MSH3: variants seen among roughly 807,000 people sequenced by gnomAD.
The protein encoded by MSH3 is DNA mismatch repair protein Msh3.
In MSH3, 106 loss-of-function variants were observed where a neutral mutation model predicts 123.3. That is an observed-to-expected ratio of 0.86 (90% CI 0.73 to 1.01). MSH3 has a LOEUF of 1.01. MSH3 is among the 50% of genes least tolerant of loss of function. The pLI, the probability that MSH3 is intolerant of heterozygous loss-of-function variation, is 0.00. For synonymous variants in MSH3, 515 were observed against 481.4 expected (o/e 1.07, Z -0.91); for missense variants, 1,459 against 1,347.6 (o/e 1.08, Z -1.29).
At chr5:80,747,671 G>A (rs1288341039) in intron 12 of MSH3, among the ~76,000 whole-genome samples, 2 of 152,126 alleles carry the variant, frequency 1.3e-5, no homozygotes, top group Non-Finnish European at 2.9e-5. Context: ...TGTACCACAT[G>A]ACAACATTTT....
At chr5:80,835,376 CA>C (rs1337896660) in intron 20 of MSH3, among the ~76,000 whole-genome samples, 1 of 152,126 alleles carries the variant, frequency 6.6e-6, no homozygotes, top group Non-Finnish European at 1.5e-5. Context: ...GACAAAATCT[CA>C]AAGCGAGGCA....
intron 22 of MSH3, among the ~76,000 whole-genome samples, chr5:80,868,391 G>T (rs1746141669): frequency 6.6e-6 from 1 of 151,622 alleles, no homozygotes; most frequent in African/African-American, 2.4e-5. Context: ...CGGTAGACTG[G>T]TTAAAGAAAA....
chr5:80,859,727 T>TG (rs1745983842), intron 21 of MSH3, among the ~76,000 whole-genome samples: 1 of 149,850 alleles, frequency 6.7e-6, no homozygotes, highest in African/African-American at 2.5e-5. Context: ...TTTTTTTTTT[T>TG]GTTTTTTGTT....
Position 80,762,850 on chromosome 5 carries a change from T to G in MSH3, c.1896+1172T>G, listed in dbSNP as rs201040215. 4.9e-3 allele frequency among the ~76,000 whole-genome samples: 265 copies of G among 53,934 alleles called. 3 individuals are homozygous for G. The East Asian group carries it at 0.071, about 14-fold the overall frequency. The allele number at this position is 53,934 out of a possible 152,430, so 35.4% of individuals were successfully genotyped here. A position where few individuals can be genotyped will look rare whatever the true frequency, so the allele number is the denominator to read the frequency against. On this transcript the variant is annotated intron_variant, in intron 13 of 23. Coordinates refer to ENST00000265081, the MANE Select transcript of MSH3 (RefSeq NM_002439.5). ...GTTATGTTATTTTATGTTATTTTAT[T>G]TTATTTTATTTTTGAGACAGACTTT...
In MSH3 at chr5:80,730,450, G is replaced by A. The variant is rs562488380; in HGVS notation, c.1568+1485G>A. 3.3e-5 allele frequency among the ~76,000 whole-genome samples: 5 copies of A among 152,274 alleles called. No homozygotes were observed. The East Asian group carries it at 7.7e-4, about 23-fold the overall frequency. On this transcript the variant is annotated intron_variant, in intron 10 of 23. Transcript: ENST00000265081. ...AAAGTAGTAAAGGTTGGGGATGGAC[G>A]TGGCATAGTGGAGTTCTAACTGATG...
At chr5:80,746,269 A>G (rs1264494400) in intron 12 of MSH3, 4 of 238,564 alleles carry the variant, frequency 1.7e-5, no homozygotes, top group Non-Finnish European at 2.5e-5. Flanking sequence ...TGATATTAAC[A>G]ATTTTAAACA....
At chr5:80,698,753 G>A (rs891320630) in intron 8 of MSH3, among the ~76,000 whole-genome samples, 2 of 150,598 alleles carry the variant, frequency 1.3e-5, no homozygotes, top group Non-Finnish European at 3.0e-5. Context: ...ATTGAACAAT[G>A]AGAACACTTG....
intron 2 of MSH3, 142 bp downstream of exon 2, chr5:80,656,673 C>T (rs1189202845): frequency 9.2e-7 from 1 of 1,086,144 alleles, no homozygotes; most frequent in Non-Finnish European, 1.4e-6. Context: ...GAGTGGCCCC[C>T]TATAGGTGAT....
At chr5:80,714,253 A>G (rs566473347) in intron 8 of MSH3, among the ~76,000 whole-genome samples, 13 of 146,102 alleles carry the variant, frequency 8.9e-5, no homozygotes, top group African/African-American at 3.1e-4. Context: ...CTCCTGCCTC[A>G]GCCTCCCGAG....
chr5:80,807,291 A>G (rs916142294), intron 19 of MSH3, among the ~76,000 whole-genome samples: 4 of 152,176 alleles, frequency 2.6e-5, no homozygotes, highest in African/African-American at 4.8e-5. Flanking sequence ...GATATAAACA[A>G]AGTTAAATTC....
chr5:80,732,525 A>G (rs1561459300), intron 10 of MSH3, among the ~76,000 whole-genome samples: 1 of 152,288 alleles, frequency 6.6e-6, no homozygotes, highest in East Asian at 1.9e-4. Flanking sequence ...AATGCACAGG[A>G]TATTTCCCTA....
At chr5:80,725,293 A>C (rs563082521) in intron 8 of MSH3, among the ~76,000 whole-genome samples, 160 bp from the exon 9 acceptor site, 1 of 151,630 alleles carries the variant, frequency 6.6e-6, no homozygotes, top group Non-Finnish European at 1.5e-5. Flanking sequence ...GCATTTTGGC[A>C]GAGAAACTTT....
intron 20 of MSH3, among the ~76,000 whole-genome samples, chr5:80,831,395 G>C (rs990866415): frequency 6.6e-6 from 1 of 152,004 alleles, no homozygotes; most frequent in Non-Finnish European, 1.5e-5. Context: ...GGCTTTCCAG[G>C]CTTTTTTAAA....
intron 12 of MSH3, among the ~76,000 whole-genome samples, chr5:80,750,078 A>AGAGTGTGTGTGT (rs1554071460): frequency 7.5e-6 from 1 of 134,206 alleles, no homozygotes; most frequent in African/African-American, 3.0e-5. Flanking sequence ...AGTATTCCAG[A>AGAGTGTGTGTGT]GTGTGTGTGT....
At chr5:80,742,527 A>G (rs1430381368) in intron 11 of MSH3, among the ~76,000 whole-genome samples, 1 of 152,212 alleles carries the variant, frequency 6.6e-6, no homozygotes, top group African/African-American at 2.4e-5. Context: ...ATCTGAGTCA[A>G]AGGAGTTAAA....
At chr5:80,705,762 G>A (rs1405325868) in intron 8 of MSH3, among the ~76,000 whole-genome samples, 3 of 152,186 alleles carry the variant, frequency 2.0e-5, no homozygotes, top group South Asian at 2.1e-4. Context: ...TCCTTCTTAC[G>A]TCTCTTCATA....
intron 20 of MSH3, among the ~76,000 whole-genome samples, chr5:80,846,247 A>G (rs1384349341): frequency 6.6e-6 from 1 of 152,040 alleles, no homozygotes; most frequent in Non-Finnish European, 1.5e-5. Flanking sequence ...AGAACAGTAA[A>G]TATTGCTGCC....
At chr5:80,737,138 T>C (rs1304651151) in intron 10 of MSH3, among the ~76,000 whole-genome samples, 10 of 152,228 alleles carry the variant, frequency 6.6e-5, no homozygotes, top group Admixed American at 4.6e-4. Flanking sequence ...TTTTGTAATA[T>C]AGTACAATTT....
At chr5:80,729,434 G>T in intron 10 of MSH3, among the ~76,000 whole-genome samples, 1 of 97,346 alleles carries the variant, frequency 1.0e-5, no homozygotes, top group Non-Finnish European at 2.2e-5. Flanking sequence ...AAAAAAATGT[G>T]TGTGTGTGTG....
Sources: allele counts gnomAD v4.1 joint callset (sites outside exome capture counted in the v4.1 genomes callset), GRCh38; gene constraint gnomAD v4.1.1; transcripts MANE v1.5; gene names NCBI Gene and HGNC (gene_info 2026-07-23, HGNC 2026-07-21).